Variants in FBXL2 observed in about 807,000 individuals in gnomAD.
FBXL2 encodes the protein F-box/LRR-repeat protein 2.
Under a neutral mutation model 69.2 loss-of-function variants are expected in FBXL2, and 38 were observed. That is an observed-to-expected ratio of 0.55 (90% confidence interval 0.42 to 0.72). The LOEUF (loss-of-function observed/expected upper bound fraction) is 0.72, where lower values mean the gene tolerates loss of function less well. FBXL2 is among the 30% of genes least tolerant of loss of function. The pLI is 0.00. For missense variants in FBXL2, 354 were observed against 520.3 expected (o/e 0.68, Z 3.11); for synonymous variants, 192 against 201.3 (o/e 0.95, Z 0.39).
the FBXL2 span, among the ~76,000 whole-genome samples, chr3:33,410,667 A>C: frequency 7.2e-5 from 11 of 152,318 alleles, no homozygotes; most frequent in East Asian, 1.3e-3. Context: ...GGGTATTAGA[A>C]TCACTATTTT....
At chr3:33,326,462 T>C (rs2038700017) in intron 2 of FBXL2, among the ~76,000 whole-genome samples, 2 of 149,172 alleles carry the variant, frequency 1.3e-5, no homozygotes, top group South Asian at 4.2e-4. Flanking sequence ...GAGATCGCTC[T>C]ACCACTGCAC....
At chr3:33,298,105 A>G (rs1170293239) in intron 2 of FBXL2, 3 of 245,138 alleles carry the variant, frequency 1.2e-5, no homozygotes, top group Non-Finnish European at 2.4e-5. Context: ...CAGACAAATG[A>G]GTTTTAAAAT....
chr3:33,400,367 G>T, intron 12 of FBXL2: 2 of 1,107,782 alleles, frequency 1.8e-6, no homozygotes, highest in Non-Finnish European at 1.3e-6. Flanking sequence ...CTCGGAGTCT[G>T]AAGTAAAAAA....
chr3:33,365,584 A>T (rs556427692), intron 5 of FBXL2, among the ~76,000 whole-genome samples: 10 of 152,244 alleles, frequency 6.6e-5, no homozygotes, highest in African/African-American at 2.2e-4. Context: ...TGGGAATGTT[A>T]TCAATGCTAA....
At chr3:33,422,627 G>A in the FBXL2 span, among the ~76,000 whole-genome samples, 1 of 151,708 alleles carries the variant, frequency 6.6e-6, no homozygotes, top group Non-Finnish European at 1.5e-5. Flanking sequence ...CAGGAGGCTA[G>A]GGTGGGTGGA....
At chr3:33,420,999 T>C in the FBXL2 span, among the ~76,000 whole-genome samples, 3 of 152,186 alleles carry the variant, frequency 2.0e-5, no homozygotes, top group Non-Finnish European at 4.4e-5. Flanking sequence ...ATTCTTTTCA[T>C]TTGAAGAGTT....
chr3:33,420,777 A>G, the FBXL2 span, among the ~76,000 whole-genome samples: 2 of 152,022 alleles, frequency 1.3e-5, no homozygotes, highest in East Asian at 1.9e-4. Context: ...GTGAGCCACC[A>G]TGCCCAGCCT....
At chr3:33,347,799 G>A (rs2040553973) in intron 2 of FBXL2, among the ~76,000 whole-genome samples, 1 of 152,016 alleles carries the variant, frequency 6.6e-6, no homozygotes, top group Non-Finnish European at 1.5e-5. Flanking sequence ...TCATATACCT[G>A]TTTGCCATTT....
chr3:33,325,828 A>T (rs2038646602), intron 2 of FBXL2, among the ~76,000 whole-genome samples: 1 of 152,156 alleles, frequency 6.6e-6, no homozygotes, highest in African/African-American at 2.4e-5. Context: ...TGAATTAGTA[A>T]TAGAATAAAT....
the FBXL2 span, chr3:33,409,220 T>C: frequency 1.2e-6 from 2 of 1,611,590 alleles, no homozygotes; most frequent in South Asian, 1.1e-5. Context: ...CAAAACCAAA[T>C]GCTTTACTAC....
chr3:33,417,205 A>C, the FBXL2 span, among the ~76,000 whole-genome samples: 1 of 152,214 alleles, frequency 6.6e-6, no homozygotes, highest in Non-Finnish European at 1.5e-5. Context: ...GTATAGTCAG[A>C]GTTGTGCAAC....
In FBXL2 at chr3:33,359,355, GAGGTA is replaced by G. The variant is rs1234756940; in HGVS notation, c.195+1_195+5del. On this transcript the variant is annotated splice_donor_variant and splice_donor_region_variant and coding_sequence_variant and intron_variant, in exon 4 of 15. Transcript: ENST00000484457. LOFTEE classifies it high-confidence loss of function. ...TCTTTTTAACTTTCAAACAGATGTA[GAGGTA>G]AGTTAGCTTTGGTTTAGACAAAAAA... The G allele has an allele frequency of 6.2e-7, 1 of 1,610,100 alleles. No individual in the cohort carries two copies. Among genetic ancestry groups the G allele is most frequent in the Non-Finnish European group, 8.5e-7 (1 of 1,177,382 alleles).
At chr3:33,396,469 C>A in intron 12 of FBXL2, 1 of 511,002 alleles carries the variant, frequency 2.0e-6, no homozygotes, top group East Asian at 3.1e-5. Context: ...CACAGGTGGT[C>A]TAATATGATG....
At chr3:33,284,035 G>T (rs2034332046) in intron 1 of FBXL2, among the ~76,000 whole-genome samples, 1 of 152,004 alleles carries the variant, frequency 6.6e-6, no homozygotes, top group Admixed American at 6.6e-5. Context: ...AGGGTTTTTT[G>T]TGTCTCTATC....
downstream of FBXL2, among the ~76,000 whole-genome samples, chr3:33,403,986 C>A (rs1370468045): frequency 5.3e-5 from 8 of 152,170 alleles, no homozygotes; most frequent in African/African-American, 1.9e-4. Context: ...TGACTCATGC[C>A]CCTAATCTCA....
At chr3:33,336,603 A>G (rs1414283583) in intron 2 of FBXL2, among the ~76,000 whole-genome samples, 1 of 152,246 alleles carries the variant, frequency 6.6e-6, no homozygotes, top group Non-Finnish European at 1.5e-5. Flanking sequence ...TCACTGAAGT[A>G]GGAAATTGTT....
chr3:33,396,400 C>T lies in FBXL2; in HGVS notation n.1215-6834C>T, dbSNP rs1011056126. Reference sequence around the variant, plus strand: ...TTATGAGAACTTTATAATGTTATTTCGTTATACAAAGTAATTTACTAATAA... The same window carrying T: ...TTATGAGAACTTTATAATGTTATTTTGTTATACAAAGTAATTTACTAATAA... On this transcript the variant is annotated intron_variant and non_coding_transcript_variant, in intron 12 of 12. Coordinates refer to the FBXL2 transcript ENST00000463736. The T allele has an allele frequency of 2.4e-5, 17 of 719,330 alleles. 1 individual carries two copies. The Middle Eastern group carries it at 1.8e-3, about 76-fold the overall frequency. 44.6% of individuals were successfully genotyped at this position (719,330 alleles called of 1,614,324 possible).
intron 1 of FBXL2, among the ~76,000 whole-genome samples, chr3:33,294,028 G>T (rs1213226712): frequency 1.3e-5 from 2 of 152,070 alleles, no homozygotes; most frequent in Non-Finnish European, 2.9e-5. Flanking sequence ...GTATCTTCTT[G>T]GATAACAATG....
chr3:33,334,782 T>TA (rs1428626768), intron 2 of FBXL2, among the ~76,000 whole-genome samples: 2 of 151,838 alleles, frequency 1.3e-5, no homozygotes, highest in South Asian at 2.1e-4. Context: ...GAAGGAAGGC[T>TA]AAAAAAATTG....
Sources: gnomAD v4.1 joint callset for allele counts (sites outside exome capture counted in the v4.1 genomes callset) on GRCh38, gnomAD v4.1.1 for gene constraint, MANE v1.5 for transcripts, NCBI Gene and HGNC (gene_info 2026-07-23, HGNC 2026-07-21) for gene names.